Variants in NCKAP5 observed in about 807,000 individuals in gnomAD.
The protein encoded by NCKAP5 is NCK associated protein 5.
A neutral mutation model predicts 167.0 loss-of-function variants in NCKAP5; 92 were observed. That is an observed-to-expected ratio of 0.55 (90% CI 0.47 to 0.66). The LOEUF is 0.66. NCKAP5 is among the 30% of genes least tolerant of loss of function. The pLI, the probability that NCKAP5 is intolerant of heterozygous loss-of-function variation, is 0.00. For missense variants in NCKAP5, 2,378 were observed against 2,315.0 expected, an observed-to-expected ratio of 1.03 and a Z score of -0.56; for synonymous variants, 891 against 877.4, an observed-to-expected ratio of 1.02 and a Z score of -0.27.
chr2:133,323,251 CAATT>C (rs1259343791), intron 3 of NCKAP5, among the ~76,000 whole-genome samples: 2 of 152,108 alleles, frequency 1.3e-5, no homozygotes, highest in Non-Finnish European at 2.9e-5. Context: ...AGGAAAAAAT[CAATT>C]AAATCAGGAA....
intron 6 of NCKAP5, among the ~76,000 whole-genome samples, chr2:132,998,170 T>A (rs1573683309): frequency 6.6e-6 from 1 of 152,356 alleles, no homozygotes; most frequent in African/African-American, 2.4e-5. Context: ...AATCATATTA[T>A]TTTTTACTAA....
At chr2:132,842,288 C>T (rs1261678036) in intron 11 of NCKAP5, among the ~76,000 whole-genome samples, 1 of 152,048 alleles carries the variant, frequency 6.6e-6, no homozygotes, top group Non-Finnish European at 1.5e-5. Context: ...TTTTCTCCCT[C>T]ATTCTTATAT....
intron 3 of NCKAP5, among the ~76,000 whole-genome samples, chr2:133,490,028 A>G (rs978174941): frequency 1.3e-5 from 2 of 152,188 alleles, no homozygotes; most frequent in African/African-American, 4.8e-5. Flanking sequence ...CAGGATGCTG[A>G]CAGAACAGGG....
At chr2:133,230,452 A>G (rs1005143151) in intron 4 of NCKAP5, among the ~76,000 whole-genome samples, 6 of 152,212 alleles carry the variant, frequency 3.9e-5, no homozygotes, top group African/African-American at 1.4e-4. Flanking sequence ...GAGTGCAATT[A>G]GAGAAAAGAA....
At chr2:132,925,344 G>A (rs1200784252) in intron 8 of NCKAP5, among the ~76,000 whole-genome samples, 1 of 151,496 alleles carries the variant, frequency 6.6e-6, no homozygotes, top group African/African-American at 2.4e-5. Flanking sequence ...CAGAAGGTCA[G>A]CAGATCAAGA....
chr2:132,705,793 A>G (rs1405937538), intron 19 of NCKAP5, among the ~76,000 whole-genome samples: 9 of 152,206 alleles, frequency 5.9e-5, no homozygotes, highest in Admixed American at 5.2e-4. Context: ...ATCTAGTCCA[A>G]TACTCCCATT....
chr2:133,276,692 A>G (rs1229150317), intron 4 of NCKAP5, among the ~76,000 whole-genome samples: 1 of 152,166 alleles, frequency 6.6e-6, no homozygotes, highest in Non-Finnish European at 1.5e-5. Flanking sequence ...TTATTTTTAT[A>G]AAGCAAATAT....
intron 7 of NCKAP5, among the ~76,000 whole-genome samples, chr2:132,977,772 T>C (rs1254812012): frequency 1.3e-5 from 2 of 152,192 alleles, no homozygotes; most frequent in African/African-American, 4.8e-5. Flanking sequence ...GTACCTGCTG[T>C]CTCTAGTCAG....
chr2:133,157,165 AT>A (rs1280997509), intron 5 of NCKAP5, among the ~76,000 whole-genome samples: 2 of 152,168 alleles, frequency 1.3e-5, no homozygotes, highest in African/African-American at 4.8e-5. Flanking sequence ...GAATCTACCA[AT>A]TTTATTGCTT....
At chr2:133,116,169 A>C (rs2082075556) in intron 6 of NCKAP5, among the ~76,000 whole-genome samples, 1 of 152,064 alleles carries the variant, frequency 6.6e-6, no homozygotes, top group Non-Finnish European at 1.5e-5. Flanking sequence ...TGTATGTCTA[A>C]CTTTTTTGTA....
chr2:132,796,140 T>C (rs1204340185), intron 12 of NCKAP5, among the ~76,000 whole-genome samples: 1 of 152,234 alleles, frequency 6.6e-6, no homozygotes, highest in Non-Finnish European at 1.5e-5. Flanking sequence ...TATATATTTA[T>C]TTGGCAATTG....
the NCKAP5 span, among the ~76,000 whole-genome samples, chr2:133,649,471 T>C: frequency 2.8e-4 from 43 of 151,834 alleles, no homozygotes; most frequent in Middle Eastern, 3.4e-3. Flanking sequence ...TAAATATAAA[T>C]GCAAAAGTCC....
At chr2:133,154,253 C>T (rs529356668) in intron 5 of NCKAP5, among the ~76,000 whole-genome samples, 45 of 152,256 alleles carry the variant, frequency 3.0e-4, no homozygotes, top group Non-Finnish European at 5.3e-4. Flanking sequence ...AAATGGGCAT[C>T]GCTTTCTTCT....
chr2:133,507,051 C>A (rs1442804887), intron 3 of NCKAP5, among the ~76,000 whole-genome samples: 1 of 152,194 alleles, frequency 6.6e-6, no homozygotes, highest in African/African-American at 2.4e-5. Context: ...TAGCTACCTA[C>A]CACACCCACA....
the NCKAP5 span, among the ~76,000 whole-genome samples, chr2:133,605,981 G>A: frequency 9.9e-5 from 15 of 152,116 alleles, no homozygotes; most frequent in East Asian, 1.9e-4. Flanking sequence ...AAATTGAAGC[G>A]AACTATCTCT....
chr2:132,962,182 A>C (rs953767892), intron 8 of NCKAP5, among the ~76,000 whole-genome samples: 2 of 152,184 alleles, frequency 1.3e-5, no homozygotes, highest in African/African-American at 4.8e-5. Flanking sequence ...ATTGTTAATC[A>C]CTGTGCCCAG....
chr2:133,629,336 C>T, the NCKAP5 span, among the ~76,000 whole-genome samples: 1 of 152,254 alleles, frequency 6.6e-6, no homozygotes, highest in East Asian at 1.9e-4. Flanking sequence ...TGAACAGACA[C>T]TTCCCAAAAG....
At chr2:132,869,324 G>A (rs1690608929) in intron 9 of NCKAP5, among the ~76,000 whole-genome samples, 1 of 152,114 alleles carries the variant, frequency 6.6e-6, no homozygotes, top group Non-Finnish European at 1.5e-5. Context: ...TCTGTCCACA[G>A]TTTCTACACT....
chr2:133,141,366 G>A (rs759706050), intron 5 of NCKAP5, among the ~76,000 whole-genome samples: 6 of 150,820 alleles, frequency 4.0e-5, no homozygotes, highest in South Asian at 4.2e-4. Context: ...ACATTGTACC[G>A]TTCTTTTTGT....
Sources: allele counts gnomAD v4.1 joint callset (sites outside exome capture counted in the v4.1 genomes callset), GRCh38; gene constraint gnomAD v4.1.1; transcripts MANE v1.5; gene names NCBI Gene and HGNC (gene_info 2026-07-23, HGNC 2026-07-21).